Variants in RIPK4 observed in about 807,000 individuals in gnomAD.
RIPK4 encodes the protein receptor interacting serine/threonine kinase 4, also known as receptor-interacting serine/threonine-protein kinase 4.
Under a neutral mutation model 42.9 loss-of-function variants are expected in RIPK4, and 17 were observed. The observed-to-expected ratio is 0.40, with a 90% CI of 0.27 to 0.59. The LOEUF is 0.59. RIPK4 is among the 20% of genes least tolerant of loss of function. The pLI is 0.47. For synonymous variants in RIPK4, 498 were observed against 499.1 expected, an observed-to-expected ratio of 1.00 and a Z score of 0.03; for missense variants, 897 against 1,104.4, an observed-to-expected ratio of 0.81 and a Z score of 2.66.
intron 1 of RIPK4, among the ~76,000 whole-genome samples, chr21:41,758,012 A>AT (rs1433216954): frequency 9.2e-6 from 1 of 109,042 alleles, no homozygotes; most frequent in African/African-American, 4.8e-5. Context: ...AAAAAAAAAA[A>AT]AAAAAAAAAA....
chr21:41,745,494 C>T (rs1013723208), intron 6 of RIPK4, among the ~76,000 whole-genome samples: 13 of 152,338 alleles, frequency 8.5e-5, no homozygotes, highest in African/African-American at 3.1e-4. Flanking sequence ...GTGGTCCACA[C>T]ACATCCAATG....
intron 1 of RIPK4, among the ~76,000 whole-genome samples, chr21:41,764,191 A>G (rs2061229477): frequency 6.6e-6 from 1 of 152,186 alleles, no homozygotes; most frequent in Non-Finnish European, 1.5e-5. Context: ...CAGAAAAGCA[A>G]GCTCACATGG....
intron 1 of RIPK4, among the ~76,000 whole-genome samples, chr21:41,761,270 T>G (rs1382333782): frequency 1.3e-5 from 2 of 152,244 alleles, no homozygotes; most frequent in Non-Finnish European, 2.9e-5. Context: ...TTTCTCCTCC[T>G]CTGGGAACAC....
rs199825512 is a variant in RIPK4 at position 41,767,035 on chromosome 21, C to T, written c.7G>A (p.Gly3Ser). The change falls in exon 1 of 8, where the codon GGC (glycine) becomes AGC (serine). Residue 3 changes from glycine (G) to serine (S), a missense_variant. Coordinates refer to ENST00000332512, the MANE Select transcript of RIPK4 (RefSeq NM_020639.3). This position sits in a 1 kb window ranked among gnomAD's most constrained non-coding sequence, Gnocchi z 4.0. ME[G>S]DGGTPWALAL... ...AGGGCCCATGGGGTCCCGCCGTCGCCCTCCATCGCGCACGTCTAGCCAGCG... is the reference window on the plus strand; with the variant it reads ...AGGGCCCATGGGGTCCCGCCGTCGCTCTCCATCGCGCACGTCTAGCCAGCG... 3,342 of 1,573,138 alleles carry T rather than the reference C, an allele frequency of 2.1e-3. 46 individuals carry two copies. The African/African-American group carries it at 0.036, about 17-fold the overall frequency.
intron 1 of RIPK4, among the ~76,000 whole-genome samples, chr21:41,758,077 A>AGAG: frequency 7.4e-6 from 1 of 135,554 alleles, no homozygotes; most frequent in Non-Finnish European, 1.6e-5. Flanking sequence ...GAGAGAGAGA[A>AGAG]AATGTAGTCA....
chr21:41,761,797 GTTTTC>G (rs2061221085), intron 1 of RIPK4, among the ~76,000 whole-genome samples: 1 of 152,174 alleles, frequency 6.6e-6, no homozygotes, highest in South Asian at 2.1e-4. Context: ...CACAAATAGT[GTTTTC>G]TTTTATTTGC....
At position 41,767,029 on chromosome 21, in the gene RIPK4, C is replaced by G. The variant is rs1210764196; in HGVS notation, c.13G>C (p.Gly5Arg). 2.5e-6 allele frequency: 4 copies of G among 1,577,196 alleles called. No individual in the cohort carries two copies. Among genetic ancestry groups the G allele is most frequent in the East Asian group, 5.0e-5 (2 of 40,256 alleles). Residue 5 changes from glycine (G) to arginine (R), a missense_variant, in exon 1 of 8, where the codon GGC becomes CGC. Transcript: ENST00000332512. The surrounding 1 kb of genome is among the most constrained non-coding windows in gnomAD (Gnocchi z 4.0). MEGD[G>R]GTPWALALLR... ...AGCGCCAGGGCCCATGGGGTCCCGC[C>G]GTCGCCCTCCATCGCGCACGTCTAG...
chr21:41,742,027 GCGTGGCTGCACATCCAGGGA>G lies in RIPK4; in HGVS notation c.1196-50_1196-31del, dbSNP rs752612223. The G allele has an allele frequency of 8.4e-6, 13 of 1,543,380 alleles. 1 individual carries two copies. In the South Asian group the frequency reaches 1.6e-4, roughly 19 times the overall value. ...AGGGAGAGGAGAGGCAAAGGTCAGA[GCGTGGCTGCACATCCAGGGA>G]CGTGGCGTCTCTGGGAGCCTGGCTG... is the stretch of plus-strand genomic sequence containing the variant. On this transcript the variant is annotated intron_variant, in intron 7 of 7. Transcript: ENST00000332512. The surrounding 1 kb of genome is among the most constrained non-coding windows in gnomAD (Gnocchi z 5.1).
At chr21:41,753,533 T>C (rs1237737708) in intron 2 of RIPK4, among the ~76,000 whole-genome samples, 1 of 152,196 alleles carries the variant, frequency 6.6e-6, no homozygotes, top group Non-Finnish European at 1.5e-5. Context: ...GCCGGCTGCA[T>C]TTCCCCTCCG....
chr21:41,740,623 C>A lies in RIPK4; in HGVS notation c.*215G>T, dbSNP rs115041500. 81 of 569,596 alleles carry A rather than the reference C, an allele frequency of 1.4e-4. 1 individual carries two copies. The South Asian group carries it at 1.8e-3, about 13-fold the overall frequency. 35.3% of individuals were successfully genotyped at this position (569,596 alleles called of 1,614,324 possible). On this transcript the variant is annotated 3_prime_UTR_variant, in exon 8 of 8. Coordinates refer to ENST00000332512, the MANE Select transcript of RIPK4 (RefSeq NM_020639.3). ...CCCTTCAGACAGCAGGTGCCTAGAT[C>A]GATGATGGAGCGGGCATGTGCACCT... is the stretch of plus-strand genomic sequence containing the variant.
Position 41,743,886 on chromosome 21 carries a change from G to A in RIPK4, c.1191C>T (p.Thr397=), listed in dbSNP as rs1362444307. The change falls in exon 7 of 8, where the codon ACC becomes ACT. Residue 397 remains threonine, a synonymous_variant. Coordinates refer to ENST00000332512, the MANE Select transcript of RIPK4 (RefSeq NM_020639.3). The part of the protein sequence containing the change: ...LSLSFEREPS[T]SDLGTTDVQK... The stretch of plus-strand genomic sequence containing the variant: ...CACAGAGGCGTCCCCACTCACCGCT[G>A]GTTGAAGGTTCCCGCTCAAAGGACA... The A allele has an allele frequency of 6.3e-7, 1 of 1,598,656 alleles. No homozygotes were observed. The highest frequency in any genetic ancestry group is 1.3e-5 in the African/African-American group (1 of 74,476).
At chr21:41,749,083 G>T in intron 4 of RIPK4, 71 bp downstream of exon 4, 1 of 1,510,594 alleles carries the variant, frequency 6.6e-7, no homozygotes, top group Non-Finnish European at 9.2e-7. Flanking sequence ...GATAGAGAAA[G>T]GACAACAAGG....
chr21:41,751,412 G>C lies in RIPK4; in HGVS notation c.475-167C>G, dbSNP rs1239317846. 3.3e-5 allele frequency among the ~76,000 whole-genome samples: 5 copies of C among 152,256 alleles called. No individual in the cohort carries two copies. Among genetic ancestry groups the C allele is most frequent in the Non-Finnish European group, 7.3e-5 (5 of 68,046 alleles). On this transcript the variant is annotated intron_variant, in intron 2 of 7. Transcript: ENST00000332512. The surrounding 1 kb of genome is among the most constrained non-coding windows in gnomAD (Gnocchi z 4.5). ...CAGGTAGCCCTGCCCCAGGCAGGGAGGGAGACAGATTCTGGGGCAGAAGCA... is the reference window on the plus strand; with the variant it reads ...CAGGTAGCCCTGCCCCAGGCAGGGACGGAGACAGATTCTGGGGCAGAAGCA...
rs140415395 is a variant in RIPK4 at position 41,740,982 on chromosome 21, G to A, written c.2211C>T (p.Ser737=). The A allele has an allele frequency of 3.2e-5, 51 of 1,610,552 alleles. No homozygotes were observed. In the Middle Eastern group the frequency reaches 8.2e-4, roughly 26 times the overall value. The change falls in exon 8 of 8, where the codon AGC becomes AGT. Residue 737 remains serine, a synonymous_variant. Transcript: ENST00000332512. ...GGCCCTGGGCGGCCAGGTGCAGCGC[G>A]CTGAGCCCCTGCTCGTCGAACAGGT... The part of the protein sequence containing the change: ...VIDLFDEQGL[S]ALHLAAQGRH...
chr21:41,757,998 C>A (rs377497706), intron 1 of RIPK4, among the ~76,000 whole-genome samples: 41 of 13,084 alleles, frequency 3.1e-3, no homozygotes, highest in Admixed American at 7.3e-3. Context: ...GACTCCATAA[C>A]AAAAAAAAAA....
intron 1 of RIPK4, among the ~76,000 whole-genome samples, chr21:41,759,654 A>G (rs915873315): frequency 5.9e-5 from 9 of 152,104 alleles, no homozygotes; most frequent in Non-Finnish European, 1.0e-4. Context: ...CCAGTGACAA[A>G]CCCGGGAGCA....
intron 2 of RIPK4, among the ~76,000 whole-genome samples, chr21:41,754,661 C>T (rs6586236): frequency 0.039 from 5,881 of 152,290 alleles, 382 homozygotes; most frequent in African/African-American, 0.13. Context: ...GGCTCTGCTG[C>T]TGCCTGCCCC....
At position 41,741,891 on chromosome 21, in the gene RIPK4, T is replaced by C. The variant is rs2146044862; in HGVS notation, c.1302A>G (p.Ala434=). 1 of 1,613,672 alleles carries C rather than the reference T, an allele frequency of 6.2e-7. No homozygotes were observed. Among genetic ancestry groups the C allele is most frequent in the Non-Finnish European group, 8.5e-7 (1 of 1,179,992 alleles). ...GCAGCAGGCTGGCACCGCTGTCCAGTGCCAGGTCCACGTCCTGCGGCTGCA... is the reference window on the plus strand; with the variant it reads ...GCAGCAGGCTGGCACCGCTGTCCAGCGCCAGGTCCACGTCCTGCGGCTGCA... ...KILQPQDVDL[A]LDSGASLLHL... The change falls in exon 8 of 8, where the codon GCA becomes GCG. Residue 434 remains alanine, a synonymous_variant. Coordinates refer to ENST00000332512, the MANE Select transcript of RIPK4 (RefSeq NM_020639.3).
Position 41,755,770 on chromosome 21 carries a change from AACC to A in RIPK4, c.474+752_474+754del, listed in dbSNP as rs938984737. ...GGAAAAACTACAACGCGCCAGGTGTAACCACCACATGTCAACGACAGTACAACC... is the reference window on the plus strand; with the variant it reads ...GGAAAAACTACAACGCGCCAGGTGTAACCACATGTCAACGACAGTACAACC... On this transcript the variant is annotated intron_variant, in intron 2 of 7. Coordinates refer to ENST00000332512, the MANE Select transcript of RIPK4 (RefSeq NM_020639.3). The surrounding 1 kb of genome is among the most constrained non-coding windows in gnomAD (Gnocchi z 4.2). Among the ~76,000 whole-genome samples the A allele has an allele frequency of 6.6e-6, 1 of 152,220 alleles. No homozygotes were observed. The highest frequency in any genetic ancestry group is 2.4e-5 in the African/African-American group (1 of 41,446).
Sources: allele counts gnomAD v4.1 joint callset (sites outside exome capture counted in the v4.1 genomes callset), GRCh38; gene constraint gnomAD v4.1.1; non-coding constraint Gnocchi (gnomAD v3.1); transcripts MANE v1.5; gene names NCBI Gene and HGNC (gene_info 2026-07-23, HGNC 2026-07-21).